The following PPEF2 variants were observed in gnomAD, a reference collection of about 807,000 sequenced individuals.
PPEF2 encodes protein phosphatase with EF-hand domain 2.
In PPEF2, 84 loss-of-function variants were observed where a neutral mutation model predicts 84.7. That is an observed-to-expected ratio of 0.99 (90% CI 0.83 to 1.19). PPEF2 has a LOEUF of 1.19. PPEF2 is among the 50% of genes most tolerant of loss of function. The pLI, the probability that PPEF2 is intolerant of heterozygous loss-of-function variation, is 0.00. For missense variants in PPEF2, 924 were observed against 937.5 expected, an observed-to-expected ratio of 0.99 and a Z score of 0.19; for synonymous variants, 346 against 345.2, an observed-to-expected ratio of 1.00 and a Z score of -0.03.
chr4:75,882,207 C>G (rs528544129), intron 10 of PPEF2, among the ~76,000 whole-genome samples: 22 of 152,302 alleles, frequency 1.4e-4, no homozygotes, highest in African/African-American at 4.8e-4. Flanking sequence ...ATCTCTGTAA[C>G]ACTTTCTTTG....
Position 75,872,070 on chromosome 4 carries a change from T to TGTTA in PPEF2, c.1603_1604insTAAC (p.Gln535LeufsTer6), listed in dbSNP as rs1724294073. The stretch of plus-strand genomic sequence containing the variant: ...GTGGGTCACCTTGTTAGCTTGATAC[T>TGTTA]GCACAATATGTGGGGTCAGGGCTGG... On this transcript the variant is annotated frameshift_variant, in exon 13 of 17. Coordinates refer to ENST00000286719, the MANE Select transcript of PPEF2 (RefSeq NM_006239.3). LOFTEE classifies it high-confidence loss of function. 6.2e-7 allele frequency: 1 copy of TGTTA among 1,613,878 alleles called. No individual in the cohort carries two copies. The highest frequency in any genetic ancestry group is 1.3e-5 in the African/African-American group (1 of 74,932).
At chr4:75,876,257 T>A (rs1724403682) in intron 11 of PPEF2, 30 bp downstream of exon 11, 1 of 1,555,760 alleles carries the variant, frequency 6.4e-7, no homozygotes, top group Non-Finnish European at 8.7e-7. Context: ...GGCAGCCACA[T>A]GCTAGGAAGC....
chr4:75,866,145 T>C (rs754582305), intron 15 of PPEF2, 44 bp downstream of exon 15: 26 of 1,552,720 alleles, frequency 1.7e-5, no homozygotes, highest in Non-Finnish European at 2.2e-5. Context: ...CTAAGGAGTA[T>C]CATAGTCCAC....
chr4:75,886,425 G>T (rs569238145), intron 7 of PPEF2, among the ~76,000 whole-genome samples: 3 of 152,206 alleles, frequency 2.0e-5, no homozygotes, highest in African/African-American at 7.2e-5. Context: ...CGGCACGTTC[G>T]TGGGGAACCT....
At chr4:75,870,479 T>C (rs2149216105) in intron 13 of PPEF2, among the ~76,000 whole-genome samples, 1 of 152,348 alleles carries the variant, frequency 6.6e-6, no homozygotes, top group East Asian at 1.9e-4. Flanking sequence ...ACATGTTCTC[T>C]ATCCACCTGA....
At chr4:75,881,604 T>A (rs910307678) in intron 10 of PPEF2, 3 of 152,106 alleles carry the variant, frequency 2.0e-5, no homozygotes, top group African/African-American at 4.8e-5. Context: ...ATAACAGATG[T>A]GTAAGTGAAA....
chr4:75,888,698 C>T (rs899305866), intron 5 of PPEF2, among the ~76,000 whole-genome samples: 2 of 152,188 alleles, frequency 1.3e-5, no homozygotes, highest in Admixed American at 6.5e-5. Flanking sequence ...ATCAGCTCAG[C>T]TCCTCCTGCA....
chr4:75,886,139 A>G (rs1158372632), intron 7 of PPEF2, among the ~76,000 whole-genome samples: 2 of 152,176 alleles, frequency 1.3e-5, no homozygotes, highest in African/African-American at 2.4e-5. Context: ...TTGGCTAAGG[A>G]GCCAATGGGA....
chr4:75,880,928 T>C (rs1371490948), intron 10 of PPEF2, among the ~76,000 whole-genome samples: 2 of 151,422 alleles, frequency 1.3e-5, no homozygotes, highest in Admixed American at 1.3e-4. Flanking sequence ...GCCTCCTGAG[T>C]AGCTGGGACT....
In PPEF2 at chr4:75,895,674, G is replaced by A. The variant is rs368539855; in HGVS notation, c.55+597C>T. Among the ~76,000 whole-genome samples the A allele has an allele frequency of 5.9e-5, 9 of 152,122 alleles. No individual in the cohort carries two copies. The East Asian group carries it at 1.6e-3, about 26-fold the overall frequency. ...TTGAACCCAGGAAGAGGAGTTTGCAGTGAGTAGAGATCGTGCCACTGCACT... is the reference window on the plus strand; with the variant it reads ...TTGAACCCAGGAAGAGGAGTTTGCAATGAGTAGAGATCGTGCCACTGCACT... On this transcript the variant is annotated intron_variant, in intron 2 of 16. Coordinates refer to ENST00000286719, the MANE Select transcript of PPEF2 (RefSeq NM_006239.3).
At chr4:75,891,167 C>T (rs1043775411) in intron 4 of PPEF2, among the ~76,000 whole-genome samples, 3 of 148,312 alleles carry the variant, frequency 2.0e-5, no homozygotes, top group South Asian at 4.2e-4. Context: ...GGTCACAGAA[C>T]GAGACTCTGT....
At chr4:75,888,497 G>A (rs1201348203) in intron 5 of PPEF2, among the ~76,000 whole-genome samples, 169 bp from the exon 6 acceptor site, 1 of 152,114 alleles carries the variant, frequency 6.6e-6, no homozygotes, top group Non-Finnish European at 1.5e-5. Context: ...CTCAACTTCT[G>A]CCCTTGTTTC....
chr4:75,881,026 T>G (rs887882232), intron 10 of PPEF2, among the ~76,000 whole-genome samples: 2 of 151,768 alleles, frequency 1.3e-5, no homozygotes, highest in African/African-American at 4.8e-5. Context: ...GGTCTTGATC[T>G]CCTGACCTCG....
intron 10 of PPEF2, among the ~76,000 whole-genome samples, chr4:75,880,098 G>A (rs1420329021): frequency 6.6e-6 from 1 of 152,164 alleles, no homozygotes; most frequent in African/African-American, 2.4e-5. Flanking sequence ...AAAATGCTGG[G>A]ATTACAGGCG....
At chr4:75,873,401 A>G in intron 11 of PPEF2, 89 bp from the exon 12 acceptor site, 2 of 1,202,744 alleles carry the variant, frequency 1.7e-6, no homozygotes, top group East Asian at 4.8e-5. Flanking sequence ...GAGGAGGAAA[A>G]TATTTGAATA....
At position 75,889,945 on chromosome 4, in the gene PPEF2, A is replaced by G; in HGVS notation, c.417+12T>C. On this transcript the variant is annotated intron_variant, in intron 5 of 16. Coordinates refer to ENST00000286719, the MANE Select transcript of PPEF2 (RefSeq NM_006239.3). ...GAGTTGGTAGTGACCCAGGTTCCCC[A>G]GGTGAGCTTACTTGTTTCAGTCTGA... is the stretch of plus-strand genomic sequence containing the variant. 2 of 1,613,766 alleles carry G rather than the reference A, an allele frequency of 1.2e-6. No individual in the cohort carries two copies. Among genetic ancestry groups the G allele is most frequent in the Non-Finnish European group, 1.7e-6 (2 of 1,179,716 alleles).
At chr4:75,877,610 A>G (rs879767307) in intron 10 of PPEF2, among the ~76,000 whole-genome samples, 6 of 151,404 alleles carry the variant, frequency 4.0e-5, no homozygotes, top group South Asian at 2.1e-4. Context: ...GCAATATGAC[A>G]TTGTCATGAC....
intron 14 of PPEF2, among the ~76,000 whole-genome samples, chr4:75,866,679 A>G (rs1269679258): frequency 6.6e-6 from 1 of 152,246 alleles, no homozygotes; most frequent in Non-Finnish European, 1.5e-5. Context: ...AAATCTGGCA[A>G]TACTTCTGCA....
At chr4:75,892,769 G>C (rs1017693124) in intron 2 of PPEF2, among the ~76,000 whole-genome samples, 1 of 152,164 alleles carries the variant, frequency 6.6e-6, no homozygotes, top group Non-Finnish European at 1.5e-5. Context: ...CTTTATATAA[G>C]GTTTAGGACC....
Sources: gnomAD v4.1 joint callset for allele counts (sites outside exome capture counted in the v4.1 genomes callset) on GRCh38, gnomAD v4.1.1 for gene constraint, MANE v1.5 for transcripts, NCBI Gene and HGNC (gene_info 2026-07-23, HGNC 2026-07-21) for gene names.